EDN1: variants seen among roughly 807,000 people sequenced by gnomAD.
EDN1 encodes the protein endothelin 1, also known as endothelin-1.
EDN1 carries 11 observed loss-of-function variants against 21.7 expected under a neutral mutation model. That is an observed-to-expected ratio of 0.51 (90% CI 0.32 to 0.84). The LOEUF (loss-of-function observed/expected upper bound fraction) is 0.84. Among genes scored for constraint, EDN1 ranks in the 40% least tolerant of loss-of-function variants. The pLI is 0.03. For synonymous variants in EDN1, 85 were observed against 90.6 expected, an observed-to-expected ratio of 0.94 and a Z score of 0.35; for missense variants, 244 against 262.3, an observed-to-expected ratio of 0.93 and a Z score of 0.48.
the EDN1 span, among the ~76,000 whole-genome samples, chr6:12,243,103 A>G: frequency 2.0e-5 from 3 of 152,226 alleles, no homozygotes; most frequent in South Asian, 6.2e-4. Flanking sequence ...GATAACATAA[A>G]CAGCCAATTA....
At chr6:12,236,009 T>C in the EDN1 span, among the ~76,000 whole-genome samples, 7 of 152,214 alleles carry the variant, frequency 4.6e-5, no homozygotes, top group South Asian at 2.1e-4. Flanking sequence ...TGTTTCTCCA[T>C]GTTTTTCTTG....
chr6:12,280,540 CTCTA>C, the EDN1 span, among the ~76,000 whole-genome samples: 2 of 152,194 alleles, frequency 1.3e-5, no homozygotes, highest in African/African-American at 4.8e-5. Context: ...GCTGCTTTAT[CTCTA>C]CACAATCTTC....
chr6:12,285,457 C>CT (rs1245472146), upstream of EDN1, among the ~76,000 whole-genome samples: 3 of 152,106 alleles, frequency 2.0e-5, no homozygotes, highest in African/African-American at 7.2e-5. Context: ...TGAAACAGGG[C>CT]TTAATTCTTA....
chr6:12,234,237 G>A, the EDN1 span, among the ~76,000 whole-genome samples: 1 of 152,198 alleles, frequency 6.6e-6, no homozygotes, highest in Non-Finnish European at 1.5e-5. Context: ...GCTGAAACTG[G>A]AAATGCTCCC....
At chr6:12,248,906 T>C in the EDN1 span, among the ~76,000 whole-genome samples, 3 of 152,214 alleles carry the variant, frequency 2.0e-5, no homozygotes, top group Non-Finnish European at 4.4e-5. Flanking sequence ...GTATATTCAA[T>C]GTGATGATAG....
At chr6:12,247,958 A>T in the EDN1 span, among the ~76,000 whole-genome samples, 1 of 152,082 alleles carries the variant, frequency 6.6e-6, no homozygotes, top group Non-Finnish European at 1.5e-5. Flanking sequence ...ATGTTAAAGG[A>T]TAAATAAAGT....
chr6:12,274,938 TCTC>T, the EDN1 span, among the ~76,000 whole-genome samples: 1 of 125,408 alleles, frequency 8.0e-6, no homozygotes, highest in Non-Finnish European at 1.7e-5. Context: ...ATTTCTTCCT[TCTC>T]CTTCCTTCCT....
chr6:12,292,293 C>T (rs375102852), intron 1 of EDN1, 48 bp from the exon 2 acceptor site: 9 of 1,608,192 alleles, frequency 5.6e-6, no homozygotes, highest in Middle Eastern at 1.6e-4. Context: ...GCATGTCTCT[C>T]GGCGTTTGAG....
At chr6:12,291,222 CCCCCCCCG>C (rs1561692933) in intron 1 of EDN1, among the ~76,000 whole-genome samples, 2 of 98,760 alleles carry the variant, frequency 2.0e-5, no homozygotes, top group African/African-American at 5.9e-5. Flanking sequence ...CCGCCTCCCC[CCCCCCCCG>C]CCACCACCCC....
chr6:12,271,609 C>T, the EDN1 span, among the ~76,000 whole-genome samples: 1 of 151,998 alleles, frequency 6.6e-6, no homozygotes, highest in Non-Finnish European at 1.5e-5. Context: ...GATTATGTAC[C>T]AACATTATGG....
At chr6:12,278,898 A>G in the EDN1 span, among the ~76,000 whole-genome samples, 1 of 152,180 alleles carries the variant, frequency 6.6e-6, no homozygotes, top group Non-Finnish European at 1.5e-5. Context: ...TTCCGTAAAA[A>G]AAACAAAACA....
the EDN1 span, among the ~76,000 whole-genome samples, chr6:12,252,788 G>A: frequency 0.3 from 45,316 of 152,000 alleles, 8,284 homozygotes; most frequent in South Asian, 0.47. Context: ...TATAAGCCAC[G>A]TGCTCTGCAA....
chr6:12,262,729 G>A, the EDN1 span, among the ~76,000 whole-genome samples: 2 of 152,002 alleles, frequency 1.3e-5, no homozygotes, highest in Middle Eastern at 3.4e-3. Context: ...AAAATTAGCC[G>A]GGCGTGGTTG....
chr6:12,269,006 A>G, the EDN1 span, among the ~76,000 whole-genome samples: 1 of 152,038 alleles, frequency 6.6e-6, no homozygotes, highest in Non-Finnish European at 1.5e-5. Flanking sequence ...TTCAATTCCT[A>G]TCATCAATAT....
the EDN1 span, among the ~76,000 whole-genome samples, chr6:12,271,955 T>C: frequency 1.3e-5 from 2 of 152,250 alleles, no homozygotes; most frequent in African/African-American, 4.8e-5. Context: ...CTTGTGTATG[T>C]GACTTGATAT....
the EDN1 span, among the ~76,000 whole-genome samples, chr6:12,258,449 CAAAA>C: frequency 4.7e-5 from 3 of 63,658 alleles, no homozygotes; most frequent in Non-Finnish European, 9.2e-5. Context: ...GATCATGTCT[CAAAA>C]AAAAAAAAAA....
upstream of EDN1, among the ~76,000 whole-genome samples, chr6:12,286,562 C>T (rs1050408319): frequency 3.9e-5 from 6 of 152,158 alleles, no homozygotes; most frequent in Admixed American, 2.0e-4. Context: ...AGCAACTTAA[C>T]GACTGTTAGC....
At chr6:12,243,189 T>G in the EDN1 span, among the ~76,000 whole-genome samples, 2 of 152,064 alleles carry the variant, frequency 1.3e-5, no homozygotes, top group East Asian at 3.8e-4. Context: ...AAAATGTTAT[T>G]TAAAAAATCA....
the EDN1 span, among the ~76,000 whole-genome samples, chr6:12,284,027 A>G: frequency 6.6e-6 from 1 of 152,044 alleles, no homozygotes; most frequent in Non-Finnish European, 1.5e-5. Flanking sequence ...CTCCATTTGT[A>G]TTGCTTTTCC....
Sources: allele counts gnomAD v4.1 joint callset (sites outside exome capture counted in the v4.1 genomes callset), GRCh38; gene constraint gnomAD v4.1.1; transcripts MANE v1.5; gene names NCBI Gene and HGNC (gene_info 2026-07-23, HGNC 2026-07-21).